The following PEX10 variants were observed in gnomAD, a reference collection of about 807,000 sequenced individuals.
PEX10 encodes peroxisome biogenesis factor 10.
In PEX10, 32 loss-of-function variants were observed where a neutral mutation model predicts 38.0. The ratio of observed to expected loss-of-function variants is 0.84; its 90% CI spans 0.63 to 1.13. The LOEUF is 1.13. Ranked by LOEUF, PEX10 falls within the 50% of genes most tolerant of loss-of-function variation. The probability of loss-of-function intolerance (pLI) is 0.00; values close to 1 mark genes in which losing one functional copy is unlikely to be tolerated. For missense variants in PEX10, 483 were observed against 457.7 expected, an observed-to-expected ratio of 1.06 and a Z score of -0.51; for synonymous variants, 206 against 207.3, an observed-to-expected ratio of 0.99 and a Z score of 0.05.
chr1:2,410,367 C>T lies in PEX10; in HGVS notation c.193+4G>A. On this transcript the variant is annotated splice_donor_region_variant and intron_variant, in intron 2 of 5. Coordinates refer to ENST00000447513, the MANE Select transcript of PEX10 (RefSeq NM_002617.4). The surrounding 1 kb of genome is among the most constrained non-coding windows in gnomAD (Gnocchi z 5.1). ...CAGTCCTGAGGTCCCGTGGGAGCTT[C>T]TACCTGCAAGTGTGGTGAGGCCAAA... The T allele has an allele frequency of 6.2e-7, 1 of 1,613,688 alleles. No individual in the cohort carries two copies. Among genetic ancestry groups the T allele is most frequent in the Non-Finnish European group, 8.5e-7 (1 of 1,179,574 alleles).
rs1296675258 is a variant in PEX10, at chr1:2,410,327, G to A, written c.193+44C>T. ...CCTGGCCACCGTCCCCAGACTTGGT[G>A]TGTGTGGCTGCCCTCAGTCCTGAGG... is the stretch of plus-strand genomic sequence containing the variant. On this transcript the variant is annotated intron_variant, in intron 2 of 5. Transcript: ENST00000447513. The surrounding 1 kb of genome is among the most constrained non-coding windows in gnomAD (Gnocchi z 5.1). 1 of 1,524,522 alleles carries A rather than the reference G, an allele frequency of 6.6e-7. No homozygotes were observed. Among genetic ancestry groups the A allele is most frequent in the African/African-American group, 1.4e-5 (1 of 73,242 alleles). The allele number at this position is 1,524,522 out of a possible 1,614,324, so 94.4% of individuals were successfully genotyped here.
chr1:2,407,341 C>A (rs1016132051), intron 3 of PEX10, among the ~76,000 whole-genome samples: 6 of 152,266 alleles, frequency 3.9e-5, no homozygotes, highest in African/African-American at 1.4e-4. Context: ...GCTGGTGACA[C>A]AGGTAGCTTC....
upstream of PEX10, chr1:2,412,607 T>A: frequency 1.1e-6 from 1 of 924,234 alleles, no homozygotes; most frequent in Non-Finnish European, 1.4e-6. Flanking sequence ...GGCGCAGACC[T>A]CTGCGTCAAG....
At position 2,408,674 on chromosome 1, in the gene PEX10, G is replaced by C. The variant is rs762783424; in HGVS notation, c.378C>G (p.Pro126=). ...CACCTGGCCCCAGGCTCCCCTGCAAGGGTCGCCCACTGTCGGGGTCAGCCT... is the reference window on the plus strand; with the variant it reads ...CACCTGGCCCCAGGCTCCCCTGCAACGGTCGCCCACTGTCGGGGTCAGCCT... The part of the protein sequence containing the change: ...ELQADPDSGR[P]LQGSLGPGGR... The change falls in exon 3 of 6, where the codon CCC becomes CCG. Residue 126 remains proline, a synonymous_variant. Coordinates refer to ENST00000447513, the MANE Select transcript of PEX10 (RefSeq NM_002617.4). 3.7e-6 allele frequency: 6 copies of C among 1,612,214 alleles called. No homozygotes were observed. In the African/African-American group the frequency reaches 4.0e-5, roughly 11 times the overall value.
chr1:2,412,900 C>T (rs1232559653), upstream of PEX10, among the ~76,000 whole-genome samples: 1 of 152,194 alleles, frequency 6.6e-6, no homozygotes, highest in Non-Finnish European at 1.5e-5. Context: ...GTCCACGGGC[C>T]GCCCTCCCAC....
chr1:2,405,793 C>G lies in PEX10; in HGVS notation c.954G>C (p.Lys318Asn). The change falls in exon 6 of 6, where the codon AAG becomes AAC. Residue 318 changes from lysine (K) to asparagine (N), a missense_variant. Physicochemically the swap from Lys to Asn is moderately conservative, Grantham distance 94. Transcript: ENST00000447513. ...AGCGGTAGTGCCGAAGGTAGATGAG[C>G]TTCTGGGGAGGGAACTTCTCCCGGC... The part of the protein sequence containing the change: ...PLCREKFPPQ[K>N]LIYLRHYR The G allele has an allele frequency of 6.2e-7, 1 of 1,603,474 alleles. No individual in the cohort carries two copies. Among genetic ancestry groups the G allele is most frequent in the Non-Finnish European group, 8.5e-7 (1 of 1,175,400 alleles).
chr1:2,408,345 C>T (rs1643075766), intron 3 of PEX10, 107 bp downstream of exon 3: 2 of 1,209,008 alleles, frequency 1.7e-6, no homozygotes, highest in South Asian at 1.2e-5. Flanking sequence ...GGATGTAGAA[C>T]CCTGTTGGCT....
chr1:2,408,709 G>C lies in PEX10; in HGVS notation c.343C>G (p.Gln115Glu), dbSNP rs1381697695. 2 of 1,613,640 alleles carry C rather than the reference G, an allele frequency of 1.2e-6. No homozygotes were observed. Among genetic ancestry groups the C allele is most frequent in the Admixed American group, 3.3e-5 (2 of 59,998 alleles). The change falls in exon 3 of 6, where the codon CAG becomes GAG. Residue 115 changes from glutamine to glutamate, a missense_variant. Physicochemically the swap from Gln to Glu is conservative, Grantham distance 29. Transcript: ENST00000447513. ...LLDKALLPLE[Q>E]ELQADPDSGR... ...CTGTCGGGGTCAGCCTGCAGCTCCT[G>C]CTCCAGGGGGAGCAGGGCCTTGTCC...
rs1300435168 is a variant in PEX10, at chr1:2,406,605, T to C, written c.791A>G (p.Glu264Gly). The C allele has an allele frequency of 2.5e-6, 4 of 1,613,218 alleles. No homozygotes were observed. Among genetic ancestry groups the C allele is most frequent in the Non-Finnish European group, 2.5e-6 (3 of 1,179,900 alleles). The change falls in exon 5 of 6, where the codon GAG becomes GGG. Residue 264 changes from glutamate to glycine, a missense_variant. Glu to Gly is a moderately conservative substitution (Grantham distance 98). Transcript: ENST00000447513. ...CAGGGGGTTTCTGGAAACGGCTCTC[T>C]CCTCCAAGGAGGCCCTGGGGAAGGT... is the stretch of plus-strand genomic sequence containing the variant. The part of the protein sequence containing the change: ...GLSHRRASLE[E>G]RAVSRNPLCT...
At chr1:2,408,884 G>C in intron 2 of PEX10, 26 bp from the exon 3 acceptor site, 1 of 1,612,140 alleles carries the variant, frequency 6.2e-7, no homozygotes, top group Non-Finnish European at 8.5e-7. Context: ...TGGGTATGTG[G>C]ACCCTGAGAC....
chr1:2,405,773 T>C lies in PEX10; in HGVS notation c.974A>G (p.Tyr325Cys). Residue 325 changes from tyrosine to cysteine, a missense_variant, in exon 6 of 6, where the codon TAC (tyrosine) becomes TGC (cysteine). Coordinates refer to ENST00000447513, the MANE Select transcript of PEX10 (RefSeq NM_002617.4). ...PPQKLIYLRH[Y>C]R ...GCCCACCCGGGCGCCGGCTCAGCGG[T>C]AGTGCCGAAGGTAGATGAGCTTCTG... 2 of 1,602,420 alleles carry C rather than the reference T, an allele frequency of 1.2e-6. No individual in the cohort carries two copies. Among genetic ancestry groups the C allele is most frequent in the Non-Finnish European group, 1.7e-6 (2 of 1,174,878 alleles).
chr1:2,406,100 A>G (rs1304495685), intron 5 of PEX10, among the ~76,000 whole-genome samples: 2 of 152,042 alleles, frequency 1.3e-5, no homozygotes, highest in Non-Finnish European at 2.9e-5. Context: ...ACAGCCCACG[A>G]AGCCCAGCTC....
In PEX10 at chr1:2,405,718, C is replaced by G. The variant is rs1143017; in HGVS notation, c.*48G>C. The G allele has an allele frequency of 2.0e-6, 3 of 1,492,578 alleles. No individual in the cohort carries two copies. The highest frequency in any genetic ancestry group is 1.4e-5 in the African/African-American group (1 of 72,114). The allele number at this position is 1,492,578 out of a possible 1,614,324, so 92.5% of individuals were successfully genotyped here. Reference sequence around the variant, plus strand: ...AATCCTGAGACTAAATCTTGGCGTTCAGACTCCCGTAGAGGTCATCTGTGT... The same window carrying G: ...AATCCTGAGACTAAATCTTGGCGTTGAGACTCCCGTAGAGGTCATCTGTGT... On this transcript the variant is annotated 3_prime_UTR_variant, in exon 6 of 6. Coordinates refer to ENST00000447513, the MANE Select transcript of PEX10 (RefSeq NM_002617.4).
chr1:2,410,287 A>G lies in PEX10; in HGVS notation c.193+84T>C. The G allele has an allele frequency of 1.6e-6, 2 of 1,215,894 alleles. No individual in the cohort carries two copies. Among genetic ancestry groups the G allele is most frequent in the East Asian group, 2.3e-5 (1 of 42,588 alleles). The allele number at this position is 1,215,894 out of a possible 1,614,324, so 75.3% of individuals were successfully genotyped here. ...CGGGCCAGCTCCAGGAGCTTCTCAC[A>G]CTGCCTGGCAGCCCCCTGGCCACCG... On this transcript the variant is annotated intron_variant, in intron 2 of 5. Coordinates refer to ENST00000447513, the MANE Select transcript of PEX10 (RefSeq NM_002617.4). The surrounding 1 kb of genome is among the most constrained non-coding windows in gnomAD (Gnocchi z 5.1).
At chr1:2,411,521 C>T (rs915661399) in intron 1 of PEX10, among the ~76,000 whole-genome samples, 3 of 150,704 alleles carry the variant, frequency 2.0e-5, no homozygotes, top group African/African-American at 4.9e-5. Flanking sequence ...GCGTGAGCCA[C>T]CACACCCGGC....
intron 3 of PEX10, 36 bp from the exon 4 acceptor site, chr1:2,406,931 T>C: frequency 1.3e-6 from 2 of 1,596,982 alleles, no homozygotes; most frequent in Non-Finnish European, 1.7e-6. Flanking sequence ...ATCAGGACCC[T>C]GAGGGGATCT....
rs1212260642 is a variant in PEX10 at position 2,404,269 on chromosome 1, C to G, written c.*1497G>C. 4 of 152,270 alleles carry G rather than the reference C, an allele frequency of 2.6e-5. No individual in the cohort carries two copies. Among genetic ancestry groups the G allele is most frequent in the Admixed American group, 2.0e-4 (3 of 15,288 alleles). The allele number at this position is 152,270 out of a possible 1,614,324, so 9.4% of individuals were successfully genotyped here. A position where few individuals can be genotyped will look rare whatever the true frequency, so the allele number is the denominator to read the frequency against. On this transcript the variant is annotated 3_prime_UTR_variant, in exon 6 of 6. Coordinates refer to ENST00000447513, the MANE Select transcript of PEX10 (RefSeq NM_002617.4). ...TTTACATATCTGACATCGAGCTCCT[C>G]TAAGAGGCCACGTTCAAGCTTGTGT... is the stretch of plus-strand genomic sequence containing the variant.
rs549197030 is a variant in PEX10, at chr1:2,406,641, G to A, written c.777-22C>T. On this transcript the variant is annotated intron_variant, in intron 4 of 5. Transcript: ENST00000447513. ...GGCCCTGGGGAAGGTGGGGCAGAGC[G>A]TCAAGGTGGGTGCACCTTACAGGTC... 7.9e-5 allele frequency: 128 copies of A among 1,612,788 alleles called. No homozygotes were observed. In the South Asian group the frequency reaches 9.8e-4, roughly 12 times the overall value.
rs761143756 is a variant in PEX10 at position 2,410,595 on chromosome 1, C to A, written c.113-144G>T. On this transcript the variant is annotated intron_variant, in intron 1 of 5. Coordinates refer to ENST00000447513, the MANE Select transcript of PEX10 (RefSeq NM_002617.4). This position sits in a 1 kb window ranked among gnomAD's most constrained non-coding sequence, Gnocchi z 5.1. ...AACACTCACTCCCTGGCCTCCCTCT[C>A]TGCTTCTGTCTCCGGAGGCACCACC... is the stretch of plus-strand genomic sequence containing the variant. 36 of 723,346 alleles carry A rather than the reference C, an allele frequency of 5.0e-5. No homozygotes were observed. Among genetic ancestry groups the A allele is most frequent in the Admixed American group, 1.0e-4 (5 of 49,138 alleles). 44.8% of individuals were successfully genotyped at this position (723,346 alleles called of 1,614,324 possible). A position where few individuals can be genotyped will look rare whatever the true frequency, so the allele number is the denominator to read the frequency against.
Sources: allele counts gnomAD v4.1 joint callset (sites outside exome capture counted in the v4.1 genomes callset), GRCh38; gene constraint gnomAD v4.1.1; non-coding constraint Gnocchi (gnomAD v3.1); transcripts MANE v1.5; gene names NCBI Gene and HGNC (gene_info 2026-07-23, HGNC 2026-07-21).